PCBP3: variants seen among roughly 807,000 people sequenced by gnomAD.
PCBP3 encodes the protein poly(rC) binding protein 3, also known as poly(rC)-binding protein 3.
In PCBP3, 25 loss-of-function variants were observed where a neutral mutation model predicts 52.7. The ratio of observed to expected loss-of-function variants is 0.47; its 90% confidence interval spans 0.35 to 0.66. The LOEUF is 0.66. Among genes scored for constraint, PCBP3 ranks in the 30% least tolerant of loss-of-function variants. The pLI is 0.01. For missense variants in PCBP3, 391 were observed against 490.3 expected, an observed-to-expected ratio of 0.80 and a Z score of 1.91; for synonymous variants, 162 against 183.0, an observed-to-expected ratio of 0.89 and a Z score of 0.93.
chr21:45,855,036 C>A (rs989892188), intron 5 of PCBP3, among the ~76,000 whole-genome samples: 1 of 152,126 alleles, frequency 6.6e-6, no homozygotes, highest in African/African-American at 2.4e-5. Flanking sequence ...GGAAAGGGGA[C>A]CCTAGGCAGC....
intron 4 of PCBP3, among the ~76,000 whole-genome samples, chr21:45,774,434 T>C (rs962916219): frequency 1.3e-5 from 2 of 151,672 alleles, no homozygotes; most frequent in African/African-American, 4.8e-5. Context: ...GAGACTTTAG[T>C]TTTTTCTGGA....
At position 45,880,263 on chromosome 21, in the gene PCBP3, C is replaced by T. The variant is rs554774172; in HGVS notation, c.11-15945C>T. Reference sequence around the variant, plus strand: ...CAGTTGCCCTCCTGGAAAGCTCTACCCTGCTGGCCCTGGGCCTCGGAGGGG... The same window carrying T: ...CAGTTGCCCTCCTGGAAAGCTCTACTCTGCTGGCCCTGGGCCTCGGAGGGG... On this transcript the variant is annotated intron_variant, in intron 5 of 17. Coordinates refer to ENST00000681687, the MANE Select transcript of PCBP3 (RefSeq NM_001384156.1). This position sits in a 1 kb window ranked among gnomAD's most constrained non-coding sequence, Gnocchi z 5.4. 4.1e-4 allele frequency among the ~76,000 whole-genome samples: 62 copies of T among 152,322 alleles called. No individual in the cohort carries two copies. Among genetic ancestry groups the T allele is most frequent in the East Asian group, 5.8e-4 (3 of 5,158 alleles).
chr21:45,797,477 T>A (rs10154159), intron 4 of PCBP3, among the ~76,000 whole-genome samples: 35 of 1,388 alleles, frequency 0.025, no homozygotes, highest in Middle Eastern at 0.5. Flanking sequence ...GACGAGTGCA[T>A]GGATCCATAG....
intron 1 of PCBP3, among the ~76,000 whole-genome samples, chr21:45,662,260 A>G (rs1021503552): frequency 6.8e-6 from 1 of 146,820 alleles, no homozygotes; most frequent in African/African-American, 2.6e-5. Flanking sequence ...GGTATGTGCC[A>G]ATATACCTAA....
chr21:45,882,582 TA>T (rs554011771), intron 5 of PCBP3, among the ~76,000 whole-genome samples: 3 of 151,774 alleles, frequency 2.0e-5, no homozygotes, highest in Admixed American at 6.6e-5. Flanking sequence ...GGGCCATATT[TA>T]AAAAAAAATC....
intron 1 of PCBP3, among the ~76,000 whole-genome samples, chr21:45,645,715 G>T (rs1189302868): frequency 6.6e-6 from 1 of 152,182 alleles, no homozygotes; most frequent in Non-Finnish European, 1.5e-5. Flanking sequence ...TTCAGATTTG[G>T]ATTCTGTGTA....
At position 45,835,808 on chromosome 21, in the gene PCBP3, C is replaced by T. The variant is rs1027960367; in HGVS notation, c.-125-14153C>T. On this transcript the variant is annotated intron_variant, in intron 4 of 17. Coordinates refer to ENST00000681687, the MANE Select transcript of PCBP3 (RefSeq NM_001384156.1). ...GACAGGCAGACCCTGGGCCCAGGGT[C>T]TTGAGCTTGACCCGCAGGAGGTCTG... Among the ~76,000 whole-genome samples the T allele has an allele frequency of 8.5e-5, 13 of 152,186 alleles. No individual in the cohort carries two copies. In the East Asian group the frequency reaches 2.5e-3, roughly 30 times the overall value.
At chr21:45,937,938 G>C (rs1232741509) in intron 16 of PCBP3, among the ~76,000 whole-genome samples, 1 of 152,264 alleles carries the variant, frequency 6.6e-6, no homozygotes, top group African/African-American at 2.4e-5. Context: ...TCAGCATTCA[G>C]ACCCCACAGC....
chr21:45,657,984 TC>T (rs1013109491), intron 1 of PCBP3, among the ~76,000 whole-genome samples: 77 of 152,354 alleles, frequency 5.1e-4, no homozygotes, highest in African/African-American at 1.7e-3. Flanking sequence ...CATTGTTTGT[TC>T]CTTATCTTAG....
intron 2 of PCBP3, among the ~76,000 whole-genome samples, chr21:45,685,618 T>C (rs753470181): frequency 1.3e-5 from 2 of 152,126 alleles, no homozygotes; most frequent in Non-Finnish European, 2.9e-5. Context: ...ATTCCCAACT[T>C]TCTTAGTAAA....
At chr21:45,920,424 A>G (rs55696340) in intron 13 of PCBP3, among the ~76,000 whole-genome samples, 134 of 152,334 alleles carry the variant, frequency 8.8e-4, no homozygotes, top group African/African-American at 3.2e-3. Context: ...ATCTCTTAGA[A>G]ATGGGTAGTT....
At chr21:45,931,514 C>T (rs1164223421) in intron 15 of PCBP3, among the ~76,000 whole-genome samples, 2 of 152,276 alleles carry the variant, frequency 1.3e-5, no homozygotes, top group African/African-American at 4.8e-5. Context: ...TTTGTGGCCT[C>T]TTTGAATGCT....
Position 45,712,364 on chromosome 21 carries a change from CA to C in PCBP3, c.-199-23027del, listed in dbSNP as rs139687264. Among the ~76,000 whole-genome samples the C allele has an allele frequency of 4.2e-3, 634 of 152,264 alleles. 7 individuals are homozygous for C. The highest frequency in any genetic ancestry group is 0.015 in the African/African-American group (609 of 41,558). On this transcript the variant is annotated intron_variant, in intron 2 of 17. Coordinates refer to ENST00000681687, the MANE Select transcript of PCBP3 (RefSeq NM_001384156.1). ...TGGCTGTACTATTTTGCATTTCCAC[CA>C]GCCGTGAATGAGATTTCTTGCTGTT... is the stretch of plus-strand genomic sequence containing the variant.
intron 3 of PCBP3, chr21:45,750,177 G>C (rs1195651610): frequency 6.6e-6 from 1 of 152,290 alleles, no homozygotes; most frequent in Non-Finnish European, 1.5e-5. Context: ...TGCCGACTCA[G>C]TGCAGAGCTG....
At chr21:45,897,450 G>C (rs1038151784) in intron 6 of PCBP3, among the ~76,000 whole-genome samples, 2 of 152,140 alleles carry the variant, frequency 1.3e-5, no homozygotes, top group Non-Finnish European at 2.9e-5. Context: ...TCTGTCCCGG[G>C]GTGTGCCTGT....
intron 13 of PCBP3, among the ~76,000 whole-genome samples, chr21:45,919,879 T>A (rs1603504480): frequency 6.6e-6 from 1 of 151,430 alleles, no homozygotes; most frequent in South Asian, 2.1e-4. Flanking sequence ...GTGGCAGGGG[T>A]GTGGGGGGCA....
intron 13 of PCBP3, among the ~76,000 whole-genome samples, chr21:45,921,889 A>G (rs1389366482): frequency 6.6e-6 from 1 of 152,082 alleles, no homozygotes; most frequent in Non-Finnish European, 1.5e-5. Flanking sequence ...CGCCACATGC[A>G]TCATTTTACC....
At chr21:45,698,847 G>T (rs1399166297) in intron 2 of PCBP3, among the ~76,000 whole-genome samples, 1 of 152,158 alleles carries the variant, frequency 6.6e-6, no homozygotes, top group East Asian at 1.9e-4. Context: ...AATGATTCTG[G>T]TCCACACCAA....
intron 2 of PCBP3, among the ~76,000 whole-genome samples, chr21:45,683,722 C>T (rs562410888): frequency 6.6e-6 from 1 of 152,018 alleles, no homozygotes; most frequent in East Asian, 1.9e-4. Context: ...GTCAGGAGAT[C>T]GAGACCATCC....
Sources: gnomAD v4.1 joint callset for allele counts (sites outside exome capture counted in the v4.1 genomes callset) on GRCh38, gnomAD v4.1.1 for gene constraint, Gnocchi (gnomAD v3.1) non-coding constraint, MANE v1.5 for transcripts, NCBI Gene and HGNC (gene_info 2026-07-23, HGNC 2026-07-21) for gene names.